TENM2: variants seen among roughly 807,000 people sequenced by gnomAD.
TENM2 encodes the protein teneurin transmembrane protein 2.
In TENM2, 52 loss-of-function variants were observed where a neutral mutation model predicts 245.2. The ratio of observed to expected loss-of-function variants is 0.21; its 90% CI spans 0.17 to 0.27. The LOEUF (loss-of-function observed/expected upper bound fraction) is 0.27. Ranked by LOEUF, TENM2 falls within the 10% of genes least tolerant of loss-of-function variation. The probability of loss-of-function intolerance (pLI) is 1.00; values close to 1 mark genes in which losing one functional copy is unlikely to be tolerated. For missense variants in TENM2, 3,046 were observed against 3,666.8 expected (o/e 0.83, Z 4.37); for synonymous variants, 1,363 against 1,438.9 (o/e 0.95, Z 1.19).
At chr5:167,722,201 A>G (rs1759674569) in intron 2 of TENM2, among the ~76,000 whole-genome samples, 1 of 152,180 alleles carries the variant, frequency 6.6e-6, no homozygotes, top group Admixed American at 6.5e-5. Context: ...ACAAGCAGAC[A>G]ATTACTGGTG....
At chr5:167,950,440 G>C (rs888443467) in intron 3 of TENM2, among the ~76,000 whole-genome samples, 2 of 152,088 alleles carry the variant, frequency 1.3e-5, no homozygotes, top group African/African-American at 4.8e-5. Context: ...CTTTAGAAGA[G>C]TGTGTGGTCT....
chr5:167,535,245 GA>G (rs1447496682), intron 2 of TENM2, among the ~76,000 whole-genome samples: 2 of 151,938 alleles, frequency 1.3e-5, no homozygotes. Context: ...TAGGAGGTTA[GA>G]GATACTCAAG....
intron 2 of TENM2, among the ~76,000 whole-genome samples, chr5:167,435,009 T>C (rs1460415337): frequency 6.6e-6 from 1 of 152,238 alleles, no homozygotes; most frequent in East Asian, 1.9e-4. Flanking sequence ...ACTTATCTAG[T>C]AGTTGATGCC....
chr5:167,051,546 T>C, the TENM2 span, among the ~76,000 whole-genome samples: 1 of 152,194 alleles, frequency 6.6e-6, no homozygotes, highest in Non-Finnish European at 1.5e-5. Context: ...GAGACCCTAA[T>C]GTGAAACAAA....
At chr5:167,782,098 G>A (rs552826604) in intron 2 of TENM2, among the ~76,000 whole-genome samples, 14 of 152,162 alleles carry the variant, frequency 9.2e-5, no homozygotes, top group African/African-American at 2.9e-4. Flanking sequence ...TGAATCACCT[G>A]AGGTTGGGAG....
At chr5:167,886,777 G>A (rs1222752465) in intron 3 of TENM2, among the ~76,000 whole-genome samples, 1 of 152,126 alleles carries the variant, frequency 6.6e-6, no homozygotes, top group African/African-American at 2.4e-5. Context: ...AAAACACTTA[G>A]TACAATGTTA....
intron 13 of TENM2, among the ~76,000 whole-genome samples, chr5:168,166,646 T>TGCTGACGCAGGGGAC (rs1162686117): frequency 2.0e-5 from 3 of 152,202 alleles, no homozygotes; most frequent in Admixed American, 6.5e-5. Flanking sequence ...ATCCCAGCAG[T>TGCTGACGCAGGGGAC]GCTGACGCAG....
Position 168,047,567 on chromosome 5 carries a change from G to T in TENM2, c.1309+18G>T, listed in dbSNP as rs1788715615. The T allele has an allele frequency of 1.3e-6, 2 of 1,551,100 alleles. No individual in the cohort carries two copies. Among genetic ancestry groups the T allele is most frequent in the South Asian group, 2.4e-5 (2 of 83,898 alleles). ...AGGCAAAGGTGAGGTTACAGCTGCTGCTTGCCCTCTTGAGGTCACAGGAAA... is the reference window on the plus strand; with the variant it reads ...AGGCAAAGGTGAGGTTACAGCTGCTTCTTGCCCTCTTGAGGTCACAGGAAA... On this transcript the variant is annotated intron_variant, in intron 6 of 28. Coordinates refer to ENST00000518659, the Ensembl canonical transcript of TENM2.
At chr5:167,478,399 A>G (rs915469297) in intron 2 of TENM2, among the ~76,000 whole-genome samples, 1 of 152,214 alleles carries the variant, frequency 6.6e-6, no homozygotes, top group African/African-American at 2.4e-5. Context: ...TACAATCTGC[A>G]TATTTTAATG....
At chr5:167,314,958 A>G (rs1756267913) in intron 1 of TENM2, among the ~76,000 whole-genome samples, 1 of 152,028 alleles carries the variant, frequency 6.6e-6, no homozygotes, top group African/African-American at 2.4e-5. Context: ...TCAGTCTTAC[A>G]TATCTTAAAT....
At chr5:167,758,575 A>T (rs1762456942) in intron 2 of TENM2, among the ~76,000 whole-genome samples, 1 of 152,090 alleles carries the variant, frequency 6.6e-6, no homozygotes, top group Non-Finnish European at 1.5e-5. Context: ...CTCTCCATAC[A>T]GTCTTCTCTT....
intron 2 of TENM2, among the ~76,000 whole-genome samples, chr5:167,385,799 T>A (rs1407297702): frequency 6.6e-6 from 1 of 151,660 alleles, no homozygotes; most frequent in Admixed American, 6.6e-5. Context: ...AGAATAATGC[T>A]GTGAAAGCTA....
At chr5:167,551,680 A>G (rs1261767503) in intron 2 of TENM2, among the ~76,000 whole-genome samples, 1 of 150,090 alleles carries the variant, frequency 6.7e-6, no homozygotes, top group Admixed American at 6.6e-5. Flanking sequence ...TATTTAATCT[A>G]TCTATGTATT....
intron 12 of TENM2, among the ~76,000 whole-genome samples, chr5:168,135,316 CTT>C (rs1247224923): frequency 2.0e-5 from 3 of 152,202 alleles, no homozygotes; most frequent in African/African-American, 7.2e-5. Context: ...AAGCAGCAGA[CTT>C]TATTTTTCCT....
the TENM2 span, among the ~76,000 whole-genome samples, chr5:166,988,847 C>T: frequency 1.4e-3 from 219 of 152,276 alleles, no homozygotes; most frequent in African/African-American, 4.8e-3. Context: ...TTGCTTCTAA[C>T]GGTCCCTGGC....
intron 2 of TENM2, among the ~76,000 whole-genome samples, chr5:167,535,540 G>T (rs191246282): frequency 6.6e-6 from 1 of 152,090 alleles, no homozygotes; most frequent in Admixed American, 6.6e-5. Context: ...CATTGTGCAC[G>T]CATTTAGGGA....
chr5:167,286,630 C>G (rs956951238), intron 1 of TENM2, among the ~76,000 whole-genome samples: 2 of 152,188 alleles, frequency 1.3e-5, no homozygotes, highest in African/African-American at 2.4e-5. Flanking sequence ...CTTTCATTTT[C>G]TGCTGTAGTT....
intron 8 of TENM2, among the ~76,000 whole-genome samples, chr5:168,096,137 TC>T (rs1312893994): frequency 6.6e-6 from 1 of 152,134 alleles, no homozygotes; most frequent in Non-Finnish European, 1.5e-5. Context: ...ACTATCGCTG[TC>T]TCCCAAGGCT....
intron 2 of TENM2, among the ~76,000 whole-genome samples, chr5:167,779,383 T>A (rs1427142872): frequency 6.6e-6 from 1 of 152,150 alleles, no homozygotes; most frequent in Non-Finnish European, 1.5e-5. Context: ...AGAAGATATA[T>A]TTATTGTCCT....
Sources: allele counts gnomAD v4.1 joint callset (sites outside exome capture counted in the v4.1 genomes callset), GRCh38; gene constraint gnomAD v4.1.1; transcripts MANE v1.5; gene names NCBI Gene and HGNC (gene_info 2026-07-23, HGNC 2026-07-21).